RAB17: variants seen among roughly 807,000 people sequenced by gnomAD.
RAB17 encodes the protein RAB17, member RAS oncogene family.
A neutral mutation model predicts 19.3 loss-of-function variants in RAB17; 15 were observed. The ratio of observed to expected loss-of-function variants is 0.78; its 90% CI spans 0.52 to 1.20. The LOEUF (loss-of-function observed/expected upper bound fraction) is 1.20. RAB17 is among the 50% of genes most tolerant of loss of function. The pLI is 0.00. For missense variants in RAB17, 262 were observed against 269.3 expected (o/e 0.97, Z 0.19); for synonymous variants, 110 against 112.8 (o/e 0.97, Z 0.16).
intron 1 of RAB17, 80 bp from the exon 2 acceptor site, chr2:237,586,237 T>C: frequency 1.4e-6 from 2 of 1,462,734 alleles, no homozygotes; most frequent in South Asian, 2.7e-5. Flanking sequence ...CGGGGCTGCT[T>C]CTCGGTCAGG....
Position 237,574,641 on chromosome 2 carries a change from C to T in RAB17, c.*378G>A, listed in dbSNP as rs745791410. 2.4e-5 allele frequency: 27 copies of T among 1,140,740 alleles called. No homozygotes were observed. The highest frequency in any genetic ancestry group is 3.1e-5 in the Non-Finnish European group (26 of 841,824). The allele number at this position is 1,140,740 out of a possible 1,614,324, so 70.7% of individuals were successfully genotyped here. On this transcript the variant is annotated 3_prime_UTR_variant, in exon 6 of 6. Coordinates refer to ENST00000264601, the MANE Select transcript of RAB17 (RefSeq NM_022449.4). The stretch of plus-strand genomic sequence containing the variant: ...GGTGGGCCCAGGCTCCAGGCCAGTG[C>T]CCCCATCAAGATCAGACGTAAGGCA...
chr2:237,587,217 G>A (rs150317011), intron 1 of RAB17, among the ~76,000 whole-genome samples: 1 of 152,230 alleles, frequency 6.6e-6, no homozygotes, highest in African/African-American at 2.4e-5. Context: ...CTATTACTTC[G>A]ACCCACTATT....
At chr2:237,576,104 A>T (rs1285066046) in intron 4 of RAB17, among the ~76,000 whole-genome samples, 1 of 152,142 alleles carries the variant, frequency 6.6e-6, no homozygotes, top group South Asian at 2.1e-4. Flanking sequence ...CCTGTGGTGG[A>T]TCCCAGAGGG....
intron 4 of RAB17, chr2:237,576,491 G>A (rs1241864821): frequency 2.3e-6 from 1 of 443,860 alleles, no homozygotes; most frequent in Non-Finnish European, 4.7e-6. Flanking sequence ...TGCTCCCCTT[G>A]CTCTCCCCCG....
chr2:237,585,149 C>G (rs1372422730), intron 2 of RAB17, among the ~76,000 whole-genome samples: 2 of 150,974 alleles, frequency 1.3e-5, no homozygotes, highest in African/African-American at 2.5e-5. Context: ...TAGAATCCAT[C>G]CCACCTAACG....
chr2:237,582,505 C>G (rs1028921534), intron 2 of RAB17, among the ~76,000 whole-genome samples: 1 of 152,242 alleles, frequency 6.6e-6, no homozygotes, highest in African/African-American at 2.4e-5. Context: ...TGTGGCCATC[C>G]ATCCTGTCCC....
At chr2:237,585,179 A>G (rs982713621) in intron 2 of RAB17, among the ~76,000 whole-genome samples, 3 of 152,260 alleles carry the variant, frequency 2.0e-5, no homozygotes, top group Admixed American at 6.5e-5. Flanking sequence ...AAAAGGGTTC[A>G]TGCTCAACAG....
intron 2 of RAB17, among the ~76,000 whole-genome samples, chr2:237,582,749 G>GT (rs1445908796): frequency 2.0e-5 from 3 of 152,230 alleles, no homozygotes; most frequent in Non-Finnish European, 4.4e-5. Context: ...CCCAAAGCAC[G>GT]TAAGTTAAAG....
chr2:237,587,731 A>G (rs2081360775), intron 1 of RAB17, among the ~76,000 whole-genome samples: 1 of 152,048 alleles, frequency 6.6e-6, no homozygotes, highest in Non-Finnish European at 1.5e-5. Flanking sequence ...CATGCCTGGA[A>G]CCCCATCTTA....
At chr2:237,579,730 A>ACAGAGAACAGGAGGCTGG (rs2081294375) in intron 2 of RAB17, among the ~76,000 whole-genome samples, 1 of 152,058 alleles carries the variant, frequency 6.6e-6, no homozygotes, top group African/African-American at 2.4e-5. Flanking sequence ...CACCCACTAG[A>ACAGAGAACAGGAGGCTGG]CAGAGAACAG....
intron 2 of RAB17, among the ~76,000 whole-genome samples, chr2:237,583,775 C>T (rs1409614285): frequency 6.6e-6 from 1 of 152,196 alleles, no homozygotes; most frequent in Admixed American, 6.5e-5. Flanking sequence ...CGGTCCTTCC[C>T]CTCAGAGAGA....
At chr2:237,578,338 A>G (rs1574933483) in intron 2 of RAB17, 183 bp from the exon 3 acceptor site, 2 of 591,522 alleles carry the variant, frequency 3.4e-6, no homozygotes, top group Admixed American at 3.0e-5. Flanking sequence ...AGCCTTCCAC[A>G]TCGAGCAAAG....
Position 237,575,090 on chromosome 2 carries a change from C to G in RAB17, c.568G>C (p.Ala190Pro), listed in dbSNP as rs771618290. The G allele has an allele frequency of 6.2e-7, 1 of 1,613,764 alleles. No individual in the cohort carries two copies. Among genetic ancestry groups the G allele is most frequent in the African/African-American group, 1.3e-5 (1 of 75,044 alleles). Residue 190 changes from alanine to proline, a missense_variant, in exon 6 of 6, where the codon GCT becomes CCT. By Grantham distance (27) the Ala-to-Pro change is conservative. Coordinates refer to ENST00000264601, the MANE Select transcript of RAB17 (RefSeq NM_022449.4). ...LLQRSDEEGQ[A>P]LRGDAAVALN... Reference sequence around the variant, plus strand: ...GCCACAGCTGCATCCCCCCGTAGAGCCTGGCCCTCCTCGTCGCTTCTCTGC... The same window carrying G: ...GCCACAGCTGCATCCCCCCGTAGAGGCTGGCCCTCCTCGTCGCTTCTCTGC...
At chr2:237,581,211 C>CA (rs1418626473) in intron 2 of RAB17, among the ~76,000 whole-genome samples, 2 of 152,038 alleles carry the variant, frequency 1.3e-5, no homozygotes, top group Non-Finnish European at 2.9e-5. Context: ...CTTGTCTCTA[C>CA]AAAAAACACA....
Position 237,577,288 on chromosome 2 carries a change from T to G in RAB17, c.404A>C (p.Asp135Ala), listed in dbSNP as rs1174891800. The part of the protein sequence containing the change: ...VLVMLVGNKT[D>A]LSQEREVTFQ... Reference sequence around the variant, plus strand: ...GGTCACCTCCCGCTCCTGGCTGAGGTCCGTCTTGTTGCCCACCAGCATCAC... The same window carrying G: ...GGTCACCTCCCGCTCCTGGCTGAGGGCCGTCTTGTTGCCCACCAGCATCAC... The change falls in exon 4 of 6, where the codon GAC becomes GCC. Residue 135 changes from aspartate (D) to alanine (A), a missense_variant. Transcript: ENST00000264601. 1.9e-6 allele frequency: 3 copies of G among 1,613,732 alleles called. No individual in the cohort carries two copies. The highest frequency in any genetic ancestry group is 3.3e-5 in the Admixed American group (2 of 59,992).
intron 4 of RAB17, among the ~76,000 whole-genome samples, chr2:237,576,172 G>A (rs2081261263): frequency 6.6e-6 from 1 of 151,974 alleles, no homozygotes; most frequent in South Asian, 2.1e-4. Flanking sequence ...GGTGTGGCCG[G>A]CCATGCCCCC....
chr2:237,582,880 G>A (rs1490973384), intron 2 of RAB17, among the ~76,000 whole-genome samples: 1 of 152,232 alleles, frequency 6.6e-6, no homozygotes, highest in Non-Finnish European at 1.5e-5. Flanking sequence ...GCCAAGGGTG[G>A]TGGATTCCTT....
intron 2 of RAB17, chr2:237,578,940 C>CACACACA (rs1383815069): frequency 2.0e-5 from 3 of 148,366 alleles, no homozygotes; most frequent in East Asian, 4.0e-4. Context: ...CACACACACA[C>CACACACA]AACTACTCCC....
In RAB17 at chr2:237,586,117, G is replaced by A. The variant is rs1185140348; in HGVS notation, c.38C>T (p.Ala13Val). ...QAHRTPQPRA[A>V]PSQPRVFKLV... ...CTTGAACACACGGGGCTGGCTGGGG[G>A]CAGCCCTGGGCTGGGGGGTCCTGTG... Residue 13 changes from alanine (A) to valine (V), a missense_variant, in exon 2 of 6, where the codon GCC (alanine) becomes GTC (valine). Ala to Val is a moderately conservative substitution (Grantham distance 64). Transcript: ENST00000264601. The A allele has an allele frequency of 4.3e-6, 7 of 1,610,718 alleles. No homozygotes were observed. The highest frequency in any genetic ancestry group is 5.1e-6 in the Non-Finnish European group (6 of 1,178,510).
Sources: gnomAD v4.1 joint callset for allele counts (sites outside exome capture counted in the v4.1 genomes callset) on GRCh38, gnomAD v4.1.1 for gene constraint, MANE v1.5 for transcripts, NCBI Gene and HGNC (gene_info 2026-07-23, HGNC 2026-07-21) for gene names.